KCNS3: variants seen among roughly 807,000 people sequenced by gnomAD.
KCNS3 encodes potassium voltage-gated channel modifier subfamily S member 3.
A neutral mutation model predicts 31.0 loss-of-function variants in KCNS3; 13 were observed. The observed-to-expected ratio is 0.42, with a 90% CI of 0.27 to 0.67. KCNS3 has a LOEUF of 0.67. KCNS3 is among the 30% of genes least tolerant of loss of function. The pLI is 0.25. For missense variants in KCNS3, 545 were observed against 622.4 expected, an observed-to-expected ratio of 0.88 and a Z score of 1.32; for synonymous variants, 238 against 241.5, an observed-to-expected ratio of 0.99 and a Z score of 0.13.
chr2:17,932,186 G>A lies in KCNS3; in HGVS notation c.1178G>A (p.Cys393Tyr), dbSNP rs757706180. 1.2e-6 allele frequency: 2 copies of A among 1,613,916 alleles called. No homozygotes were observed. The highest frequency in any genetic ancestry group is 1.7e-6 in the Non-Finnish European group (2 of 1,179,970). ...GKLIASTCII[C>Y]GILVVALPIT... ...CTCATCGCCAGCACATGCATCATCT[G>A]TGGCATCTTGGTGGTGGCCCTTCCC... Residue 393 changes from cysteine to tyrosine, a missense_variant, in exon 3 of 3, where the codon TGT (cysteine) becomes TAT (tyrosine). Physicochemically the swap from Cys to Tyr is radical, Grantham distance 194. Transcript: ENST00000304101.
At chr2:17,929,693 A>G (rs1250296309) in intron 2 of KCNS3, among the ~76,000 whole-genome samples, 1 of 152,214 alleles carries the variant, frequency 6.6e-6, no homozygotes, top group Non-Finnish European at 1.5e-5. Context: ...AATCCCAAAG[A>G]TGCTTGACTG....
At chr2:17,916,571 A>G (rs1662590474) in intron 1 of KCNS3, among the ~76,000 whole-genome samples, 2 of 152,168 alleles carry the variant, frequency 1.3e-5, no homozygotes. Flanking sequence ...CCCCTCTGCA[A>G]AGTCCAGATG....
intron 1 of KCNS3, among the ~76,000 whole-genome samples, chr2:17,885,986 A>G (rs1398492542): frequency 5.3e-5 from 8 of 152,306 alleles, no homozygotes; most frequent in Middle Eastern, 3.4e-3. Context: ...GAGTATAAAT[A>G]GGGCCATAGA....
chr2:17,916,676 A>G (rs1043909744), intron 1 of KCNS3, among the ~76,000 whole-genome samples: 2 of 152,176 alleles, frequency 1.3e-5, no homozygotes, highest in Non-Finnish European at 2.9e-5. Flanking sequence ...TTAGGATGCT[A>G]TTCACTTGTT....
At chr2:17,925,677 G>C (rs907451782) in intron 2 of KCNS3, among the ~76,000 whole-genome samples, 2 of 152,134 alleles carry the variant, frequency 1.3e-5, no homozygotes, top group Admixed American at 6.5e-5. Context: ...ACTATCATGA[G>C]AACAGCGTGG....
Position 17,930,923 on chromosome 2 carries a change from G to C in KCNS3, c.-59-27G>C. 3 of 1,481,896 alleles carry C rather than the reference G, an allele frequency of 2.0e-6. No homozygotes were observed. The Admixed American group carries it at 5.8e-5, about 29-fold the overall frequency. The allele number at this position is 1,481,896 out of a possible 1,614,324, so 91.8% of individuals were successfully genotyped here. On this transcript the variant is annotated intron_variant, in intron 2 of 2. Coordinates refer to ENST00000304101, the MANE Select transcript of KCNS3 (RefSeq NM_002252.5). ...TTGGCTGGGCACGGCAGGACAGAGT[G>C]CTAATATCATCTTGTGCTCTTTCCA...
At chr2:17,911,487 G>A (rs1365092449) in intron 1 of KCNS3, among the ~76,000 whole-genome samples, 3 of 152,008 alleles carry the variant, frequency 2.0e-5, no homozygotes, top group Admixed American at 6.6e-5. Context: ...ATTTTTCTAT[G>A]TAGAAATAAC....
intron 1 of KCNS3, among the ~76,000 whole-genome samples, chr2:17,915,693 C>T (rs1662573526): frequency 6.6e-6 from 1 of 152,164 alleles, no homozygotes; most frequent in South Asian, 2.1e-4. Context: ...AGGTGCTTAG[C>T]TTCTTGTGGG....
At chr2:17,906,872 C>T (rs1474115560) in intron 1 of KCNS3, among the ~76,000 whole-genome samples, 6 of 152,184 alleles carry the variant, frequency 3.9e-5, no homozygotes, top group Admixed American at 3.9e-4. Flanking sequence ...GAGTCCTTTA[C>T]TTCCAACTAT....
chr2:17,931,707 C>A lies in KCNS3; in HGVS notation c.699C>A (p.Phe233Leu), dbSNP rs920954423. 2.5e-6 allele frequency: 4 copies of A among 1,613,210 alleles called. No homozygotes were observed. The African/African-American group carries it at 4.0e-5, about 16-fold the overall frequency. ...TGGAGATCGCGTGCATTGCCTGGTTCACCGGGGAGCTTGCCGTCCGGCTGG... is the reference window on the plus strand; with the variant it reads ...TGGAGATCGCGTGCATTGCCTGGTTAACCGGGGAGCTTGCCGTCCGGCTGG... ...EGVEIACIAWFTGELAVRLAA... is the reference protein window; with the variant it reads ...EGVEIACIAWLTGELAVRLAA... The change falls in exon 3 of 3, where the codon TTC becomes TTA. Residue 233 changes from phenylalanine to leucine, a missense_variant. By Grantham distance (22) the Phe-to-Leu change is conservative. Transcript: ENST00000304101. This position sits in a 1 kb window ranked among gnomAD's most constrained non-coding sequence, Gnocchi z 5.4.
intron 2 of KCNS3, among the ~76,000 whole-genome samples, chr2:17,921,953 AT>A (rs1662725478): frequency 1.4e-5 from 2 of 138,678 alleles, no homozygotes; most frequent in African/African-American, 2.7e-5. Context: ...ATATATATAT[AT>A]ATATAAATAC....
chr2:17,905,725 G>C (rs532389932), intron 1 of KCNS3, among the ~76,000 whole-genome samples: 72 of 152,282 alleles, frequency 4.7e-4, no homozygotes, highest in African/African-American at 1.7e-3. Context: ...TAATCATGTG[G>C]CTTTTGTCTT....
intron 1 of KCNS3, among the ~76,000 whole-genome samples, chr2:17,914,512 A>C (rs1282862498): frequency 1.3e-5 from 2 of 152,216 alleles, no homozygotes; most frequent in African/African-American, 4.8e-5. Flanking sequence ...AACCAGCCTC[A>C]GTCTTTCACA....
intron 2 of KCNS3, among the ~76,000 whole-genome samples, chr2:17,929,632 T>G (rs764266725): frequency 6.6e-6 from 1 of 152,222 alleles, no homozygotes; most frequent in Non-Finnish European, 1.5e-5. Flanking sequence ...GAGCTGCATA[T>G]AACCTCTGCT....
intron 1 of KCNS3, among the ~76,000 whole-genome samples, chr2:17,916,244 T>C (rs1422293490): frequency 6.6e-6 from 1 of 152,232 alleles, no homozygotes. Flanking sequence ...ATGTGTGTGC[T>C]ATATCCTTTT....
intron 1 of KCNS3, among the ~76,000 whole-genome samples, chr2:17,903,279 CAG>C (rs1662230399): frequency 6.6e-6 from 1 of 152,074 alleles, no homozygotes; most frequent in Admixed American, 6.6e-5. Flanking sequence ...ATATGTAAGA[CAG>C]ACACAAATCC....
chr2:17,906,739 G>A (rs1002132602), intron 1 of KCNS3, among the ~76,000 whole-genome samples: 1 of 152,180 alleles, frequency 6.6e-6, no homozygotes, highest in African/African-American at 2.4e-5. Context: ...TCAGGAGCAG[G>A]TTGTTCAGTT....
At chr2:17,881,803 C>G (rs1674649749) in intron 1 of KCNS3, among the ~76,000 whole-genome samples, 2 of 152,214 alleles carry the variant, frequency 1.3e-5, no homozygotes. Context: ...AGGGGGCTTA[C>G]AGTTACCAAG....
intron 2 of KCNS3, among the ~76,000 whole-genome samples, chr2:17,922,698 T>A (rs146931560): frequency 1.3e-5 from 2 of 152,046 alleles, no homozygotes; most frequent in African/African-American, 4.8e-5. Context: ...TAATCTACTT[T>A]CTGTTTCTAT....
Sources: allele counts gnomAD v4.1 joint callset (sites outside exome capture counted in the v4.1 genomes callset), GRCh38; gene constraint gnomAD v4.1.1; non-coding constraint Gnocchi (gnomAD v3.1); transcripts MANE v1.5; gene names NCBI Gene and HGNC (gene_info 2026-07-23, HGNC 2026-07-21).